MTMR1: variants seen among roughly 807,000 people sequenced by gnomAD.
The protein encoded by MTMR1 is phosphatidylinositol-3-phosphate phosphatase MTMR1.
A neutral mutation model predicts 51.6 loss-of-function variants in MTMR1; 17 were observed. That is an observed-to-expected ratio of 0.33 (90% CI 0.23 to 0.49). MTMR1 has a LOEUF of 0.49. Among genes scored for constraint, MTMR1 ranks in the 20% least tolerant of loss-of-function variants. MTMR1 has a pLI of 0.99. For missense variants in MTMR1, 386 were observed against 526.9 expected, an observed-to-expected ratio of 0.73 and a Z score of 2.62; for synonymous variants, 201 against 205.6, an observed-to-expected ratio of 0.98 and a Z score of 0.19.
chrX:150,714,415 T>C, intron 3 of MTMR1: 1 of 749,507 alleles, frequency 1.3e-6, no homozygotes, highest in Non-Finnish European at 1.8e-6. Context: ...TTCACCTGTC[T>C]GTTTGCACGT....
intron 1 of MTMR1, among the ~76,000 whole-genome samples, chrX:150,694,074 C>T (rs940812476): frequency 9.0e-6 from 1 of 111,726 alleles, no homozygotes; most frequent in Non-Finnish European, 1.9e-5. Flanking sequence ...CTAGCATCAC[C>T]TTGCCTCGTG....
chrX:150,699,413 G>C, intron 2 of MTMR1, 113 bp downstream of exon 2: 4 of 441,067 alleles, frequency 9.1e-6, no homozygotes, highest in Non-Finnish European at 1.1e-5. Context: ...CCATTTGCTC[G>C]AGAATAAGGA....
chrX:150,693,824 C>T (rs1414475411), intron 1 of MTMR1, 148 bp downstream of exon 1: 4 of 322,892 alleles, frequency 1.2e-5, no homozygotes, highest in Non-Finnish European at 1.6e-5. Context: ...GGCCCTCCTC[C>T]CCCCCACCCC....
chrX:150,718,767 G>A, intron 4 of MTMR1, 67 bp downstream of exon 4: 1 of 1,077,696 alleles, frequency 9.3e-7, no homozygotes, highest in Admixed American at 2.5e-5. Context: ...ATTTGCAAGT[G>A]GAGGTGATGT....
At chrX:150,733,830 C>T (rs954106383) in intron 10 of MTMR1, among the ~76,000 whole-genome samples, 1 of 111,332 alleles carries the variant, frequency 9.0e-6, no homozygotes, top group Non-Finnish European at 1.9e-5. Flanking sequence ...CTGATAAGCT[C>T]GCCACCCCTG....
At chrX:150,746,878 T>C (rs1440828378) in intron 13 of MTMR1, among the ~76,000 whole-genome samples, 2 of 112,572 alleles carry the variant, frequency 1.8e-5, no homozygotes, top group Non-Finnish European at 3.7e-5. Context: ...TCTTTATCAG[T>C]TCATTAAGAA....
intron 13 of MTMR1, among the ~76,000 whole-genome samples, chrX:150,749,839 C>T (rs1425408049): frequency 1.8e-5 from 2 of 112,129 alleles, no homozygotes; most frequent in African/African-American, 6.5e-5. Flanking sequence ...CTCATTTACA[C>T]TGGTAAGAAG....
intron 15 of MTMR1, among the ~76,000 whole-genome samples, chrX:150,759,081 G>T (rs896058041): frequency 1.8e-5 from 2 of 112,548 alleles, no homozygotes; most frequent in Non-Finnish European, 1.9e-5. Context: ...CTGCTGCCCT[G>T]TCACTGGAGT....
intron 3 of MTMR1, among the ~76,000 whole-genome samples, chrX:150,716,761 T>C (rs2041531814): frequency 8.9e-6 from 1 of 112,726 alleles, no homozygotes; most frequent in Admixed American, 9.3e-5. Flanking sequence ...GTAGTATTTC[T>C]AAATTGACCT....
At chrX:150,758,302 C>G (rs1255328807) in intron 15 of MTMR1, among the ~76,000 whole-genome samples, 1 of 110,935 alleles carries the variant, frequency 9.0e-6, no homozygotes, top group Non-Finnish European at 1.9e-5. Flanking sequence ...GGACAGCTTT[C>G]TACCTACTCT....
At chrX:150,701,311 T>C (rs1270221418) in intron 2 of MTMR1, among the ~76,000 whole-genome samples, 1 of 111,914 alleles carries the variant, frequency 8.9e-6, no homozygotes, top group Non-Finnish European at 1.9e-5. Context: ...AAATGGGCCT[T>C]TGGGACCCCT....
intron 14 of MTMR1, among the ~76,000 whole-genome samples, chrX:150,754,108 C>A (rs2042834057): frequency 8.9e-6 from 1 of 112,848 alleles, no homozygotes; most frequent in African/African-American, 3.2e-5. Context: ...TTCTTGCCAA[C>A]CTTGTTGAAG....
intron 15 of MTMR1, among the ~76,000 whole-genome samples, chrX:150,760,332 G>C (rs190473151): frequency 2.0e-5 from 2 of 98,403 alleles, no homozygotes; most frequent in African/African-American, 3.4e-5. Context: ...GGGAGTGCAG[G>C]GGGGTAAACG....
At chrX:150,728,944 A>T (rs2148621587) in intron 6 of MTMR1, among the ~76,000 whole-genome samples, 1 of 109,521 alleles carries the variant, frequency 9.1e-6, no homozygotes, top group African/African-American at 3.3e-5. Context: ...TCACTCCCTG[A>T]CAACTGTCCT....
At chrX:150,712,784 T>A in intron 3 of MTMR1, 1 of 221,824 alleles carries the variant, frequency 4.5e-6, no homozygotes, top group Non-Finnish European at 8.0e-6. Flanking sequence ...AAGTAAGATT[T>A]CAAGTCATGT....
rs1252382628 is a variant in MTMR1, at chrX:150,763,593, C to T, written c.*864C>T. The T allele has an allele frequency of 8.8e-6, 1 of 113,052 alleles. No individual in the cohort carries two copies. Among genetic ancestry groups the T allele is most frequent in the Non-Finnish European group, 1.9e-5 (1 of 53,413 alleles). 9.3% of individuals were successfully genotyped at this position (113,052 alleles called of 1,213,427 possible). On this transcript the variant is annotated 3_prime_UTR_variant, in exon 16 of 16. Coordinates refer to ENST00000445323, the MANE Select transcript of MTMR1 (RefSeq NM_001306144.3). ...GCTCCTGGGCTGTCTAGCCATGTCT[C>T]CCACCCCCACTTTACCGCAGCCAGC...
intron 14 of MTMR1, among the ~76,000 whole-genome samples, chrX:150,754,386 A>G (rs782203729): frequency 1.4e-4 from 16 of 112,980 alleles, no homozygotes; most frequent in Non-Finnish European, 2.2e-4. Context: ...ATGTTCCTGT[A>G]TTTAGATAGC....
intron 1 of MTMR1, among the ~76,000 whole-genome samples, chrX:150,693,891 G>C (rs1216130586): frequency 9.2e-6 from 1 of 108,523 alleles, no homozygotes; most frequent in Non-Finnish European, 1.9e-5. Context: ...TGCGGGCCGC[G>C]CACCTGGCTC....
rs141312913 is a variant in MTMR1 at position 150,762,661 on chromosome X, G to T, written c.1954G>T (p.Val652Phe). Reference protein sequence around the residue: ...GLQREVATRAVSSSSERGSSP... With the variant: ...GLQREVATRAFSSSSERGSSP... ...ACAGCGGGAGGTGGCCACGCGCGCCGTCTCATCCTCATCTGAGCGGGGCTC... is the reference window on the plus strand; with the variant it reads ...ACAGCGGGAGGTGGCCACGCGCGCCTTCTCATCCTCATCTGAGCGGGGCTC... Residue 652 changes from valine to phenylalanine, a missense_variant, in exon 16 of 16, where the codon GTC becomes TTC. By Grantham distance (50) the Val-to-Phe change is conservative. Coordinates refer to ENST00000445323, the MANE Select transcript of MTMR1 (RefSeq NM_001306144.3). The T allele has an allele frequency of 2.5e-6, 3 of 1,206,310 alleles. No homozygotes were observed. Among genetic ancestry groups the T allele is most frequent in the African/African-American group, 3.5e-5 (2 of 57,153 alleles).
Sources: gnomAD v4.1 joint callset for allele counts (sites outside exome capture counted in the v4.1 genomes callset) on GRCh38, gnomAD v4.1.1 for gene constraint, MANE v1.5 for transcripts, NCBI Gene and HGNC (gene_info 2026-07-23, HGNC 2026-07-21) for gene names.